Variants in ZMYND8 observed in about 807,000 individuals in gnomAD.
The protein encoded by ZMYND8 is MYND-type zinc finger-containing chromatin reader ZMYND8.
ZMYND8 carries 37 observed loss-of-function variants against 140.8 expected under a neutral mutation model. That is an observed-to-expected ratio of 0.26 (90% confidence interval 0.20 to 0.35). The LOEUF (loss-of-function observed/expected upper bound fraction) is 0.35, where lower values mean the gene tolerates loss of function less well. Among genes scored for constraint, ZMYND8 ranks in the 10% least tolerant of loss-of-function variants. The probability of loss-of-function intolerance (pLI) is 1.00; values close to 1 mark genes in which losing one functional copy is unlikely to be tolerated. For synonymous variants in ZMYND8, 592 were observed against 597.1 expected (o/e 0.99, Z 0.12); for missense variants, 1,068 against 1,570.0 (o/e 0.68, Z 5.40).
At chr20:47,229,489 AT>A (rs1025820999) in intron 17 of ZMYND8, among the ~76,000 whole-genome samples, 35 of 152,176 alleles carry the variant, frequency 2.3e-4, no homozygotes, top group African/African-American at 8.0e-4. Flanking sequence ...TGAAGCTCTG[AT>A]TTTGGCTGTT....
chr20:47,314,098 G>C (rs972270029), intron 2 of ZMYND8, among the ~76,000 whole-genome samples: 3 of 140,604 alleles, frequency 2.1e-5, no homozygotes, highest in African/African-American at 9.8e-5. Context: ...GTTGCCTTGG[G>C]AGGGGTGCCT....
chr20:47,266,372 C>G (rs965752513), intron 11 of ZMYND8, among the ~76,000 whole-genome samples: 1 of 152,116 alleles, frequency 6.6e-6, no homozygotes, highest in Admixed American at 6.5e-5. Context: ...CTCCACCTCC[C>G]GGGTTCAAGC....
chr20:47,225,703 C>G (rs1568913547), intron 18 of ZMYND8, among the ~76,000 whole-genome samples: 1 of 150,632 alleles, frequency 6.6e-6, no homozygotes, highest in Admixed American at 6.7e-5. Flanking sequence ...TGTGGCCAGA[C>G]AGAACCTTTG....
intron 16 of ZMYND8, 82 bp downstream of exon 16, chr20:47,236,244 T>C: frequency 6.4e-7 from 1 of 1,560,114 alleles, no homozygotes; most frequent in South Asian, 1.1e-5. Context: ...GTTAAGACGC[T>C]CACGCTTCCC....
At chr20:47,286,623 T>A (rs1451579317) in intron 8 of ZMYND8, among the ~76,000 whole-genome samples, 1 of 152,190 alleles carries the variant, frequency 6.6e-6, no homozygotes, top group South Asian at 2.1e-4. Context: ...CACTGACAGG[T>A]TGAAGGTCAT....
At chr20:47,270,105 C>T (rs139604134) in intron 11 of ZMYND8, among the ~76,000 whole-genome samples, 23 of 151,846 alleles carry the variant, frequency 1.5e-4, no homozygotes, top group African/African-American at 4.8e-4. Flanking sequence ...GGTGTGGTGG[C>T]GCACACTTGT....
At chr20:47,227,162 C>A (rs1600997291) in intron 18 of ZMYND8, 41 bp downstream of exon 18, 1 of 1,609,870 alleles carries the variant, frequency 6.2e-7, no homozygotes, top group East Asian at 2.2e-5. Context: ...AAGTTCACAC[C>A]CAAAACCCTC....
At chr20:47,249,718 C>T (rs1214457806) in intron 12 of ZMYND8, among the ~76,000 whole-genome samples, 1 of 152,168 alleles carries the variant, frequency 6.6e-6, no homozygotes, top group Non-Finnish European at 1.5e-5. Flanking sequence ...CCAGATGGCT[C>T]AGTGTGTGGA....
intron 10 of ZMYND8, among the ~76,000 whole-genome samples, chr20:47,281,695 G>A (rs1377390347): frequency 2.6e-5 from 4 of 152,196 alleles, no homozygotes; most frequent in African/African-American, 9.7e-5. Context: ...GATGATAAGA[G>A]ATTCATTTAC....
chr20:47,262,767 C>T (rs1321946739), intron 11 of ZMYND8, among the ~76,000 whole-genome samples: 2 of 152,154 alleles, frequency 1.3e-5, no homozygotes, highest in Non-Finnish European at 2.9e-5. Context: ...GCGATTAAAC[C>T]AACCCCCACA....
intron 11 of ZMYND8, among the ~76,000 whole-genome samples, chr20:47,268,260 C>T (rs988482908): frequency 6.6e-6 from 1 of 150,674 alleles, no homozygotes. Flanking sequence ...AGTTTGAGAC[C>T]AGCCTGGCCA....
intron 14 of ZMYND8, among the ~76,000 whole-genome samples, chr20:47,240,511 CT>C (rs1009999976): frequency 3.3e-5 from 5 of 151,828 alleles, no homozygotes; most frequent in African/African-American, 1.2e-4. Context: ...GAGACTCCGT[CT>C]CAAAATAATA....
intron 4 of ZMYND8, among the ~76,000 whole-genome samples, chr20:47,297,104 T>C (rs1005539658): frequency 4.0e-5 from 6 of 151,466 alleles, no homozygotes; most frequent in African/African-American, 1.2e-4. Context: ...TGTAGTAGAA[T>C]GAGGTCAGCC....
chr20:47,315,915 G>C (rs17726337), intron 2 of ZMYND8, among the ~76,000 whole-genome samples: 3,652 of 152,288 alleles, frequency 0.024, 64 homozygotes, highest in Non-Finnish European at 0.037. Flanking sequence ...GCAGCCTTAT[G>C]GAGAGGACAG....
At chr20:47,299,270 C>T (rs543952650) in intron 3 of ZMYND8, among the ~76,000 whole-genome samples, 2 of 152,332 alleles carry the variant, frequency 1.3e-5, no homozygotes, top group East Asian at 1.9e-4. Context: ...TAACCAGGTG[C>T]ATGACCTTGG....
At chr20:47,311,712 CA>C (rs1332308899) in intron 2 of ZMYND8, among the ~76,000 whole-genome samples, 2 of 152,190 alleles carry the variant, frequency 1.3e-5, no homozygotes, top group Non-Finnish European at 2.9e-5. Context: ...ACTAAAAATA[CA>C]AAAACAATTA....
chr20:47,288,396 T>TTC (rs2077052745), intron 7 of ZMYND8, among the ~76,000 whole-genome samples: 1 of 149,362 alleles, frequency 6.7e-6, no homozygotes, highest in African/African-American at 2.5e-5. Flanking sequence ...CCAATTCTTT[T>TTC]TTTTTTTTTT....
intron 6 of ZMYND8, among the ~76,000 whole-genome samples, chr20:47,290,792 T>G (rs565168848): frequency 2.6e-5 from 4 of 151,960 alleles, no homozygotes; most frequent in African/African-American, 9.7e-5. Flanking sequence ...GGTTTCTCCA[T>G]GTTGGTCAGG....
chr20:47,283,737 G>C, intron 8 of ZMYND8, 89 bp from the exon 9 acceptor site: 1 of 1,374,166 alleles, frequency 7.3e-7, no homozygotes, highest in Admixed American at 1.8e-5. Context: ...TGAAGGTTAA[G>C]ATGTTTTAAA....
Sources: gnomAD v4.1 joint callset for allele counts (sites outside exome capture counted in the v4.1 genomes callset) on GRCh38, gnomAD v4.1.1 for gene constraint, MANE v1.5 for transcripts, NCBI Gene and HGNC (gene_info 2026-07-23, HGNC 2026-07-21) for gene names.